The following C2CD5 variants were observed in gnomAD, a reference collection of about 807,000 sequenced individuals.
C2CD5 encodes the protein C2 calcium dependent domain containing 5.
Under a neutral mutation model 130.3 loss-of-function variants are expected in C2CD5, and 109 were observed. That is an observed-to-expected ratio of 0.84 (90% CI 0.72 to 0.98). The LOEUF (loss-of-function observed/expected upper bound fraction) is 0.98. Ranked by LOEUF, C2CD5 falls within the 50% of genes least tolerant of loss-of-function variation. The pLI is 0.00. For synonymous variants in C2CD5, 454 were observed against 429.2 expected (o/e 1.06, Z -0.71); for missense variants, 996 against 1,261.8 (o/e 0.79, Z 3.19).
intron 9 of C2CD5, among the ~76,000 whole-genome samples, chr12:22,511,957 C>T (rs774351552): frequency 6.6e-6 from 1 of 151,980 alleles, no homozygotes; most frequent in Non-Finnish European, 1.5e-5. Context: ...GGTAAGTGGA[C>T]ACACACACAC....
intron 4 of C2CD5, among the ~76,000 whole-genome samples, chr12:22,527,329 T>C (rs939972132): frequency 2.3e-5 from 3 of 130,648 alleles, no homozygotes; most frequent in Non-Finnish European, 1.5e-5. Flanking sequence ...TATATATATA[T>C]ATTTTTTTTT....
chr12:22,465,739 G>A (rs1413769094), intron 22 of C2CD5, among the ~76,000 whole-genome samples: 3 of 151,914 alleles, frequency 2.0e-5, no homozygotes, highest in Admixed American at 1.3e-4. Context: ...GGATATCAAT[G>A]ATGAGAAAAA....
intron 10 of C2CD5, chr12:22,497,606 T>G (rs1213361841): frequency 1.0e-6 from 1 of 973,148 alleles, no homozygotes; most frequent in Non-Finnish European, 1.2e-6. Flanking sequence ...ACTGCTAACC[T>G]CTTGAAGAAG....
intron 4 of C2CD5, among the ~76,000 whole-genome samples, chr12:22,527,330 AT>A (rs752914937): frequency 0.049 from 6,757 of 137,972 alleles, 178 homozygotes; most frequent in East Asian, 0.059. Context: ...ATATATATAT[AT>A]TTTTTTTTTT....
Position 22,458,511 on chromosome 12 carries a change from T to A in C2CD5, c.2659A>T (p.Thr887Ser), listed in dbSNP as rs1227627763. The A allele has an allele frequency of 9.2e-6, 12 of 1,301,086 alleles. No individual in the cohort carries two copies. The highest frequency in any genetic ancestry group is 1.2e-5 in the Non-Finnish European group (12 of 1,021,846). 80.6% of individuals were successfully genotyped at this position (1,301,086 alleles called of 1,614,324 possible). The change falls in exon 24 of 27, where the codon ACC becomes TCC. Residue 887 changes from threonine to serine, a missense_variant. Coordinates refer to ENST00000446597, the MANE Select transcript of C2CD5 (RefSeq NM_001286176.2). ...WIELIKLKAQ[T>S]IRRGSIKTTM... ...GTCTTAATTGATCCACGCCTTATGG[T>A]CTGAGCTTTCAGTTTAATGAGCTCT... is the stretch of plus-strand genomic sequence containing the variant.
intron 26 of C2CD5, among the ~76,000 whole-genome samples, chr12:22,453,442 AAACT>A (rs1323687158): frequency 4.6e-5 from 7 of 152,218 alleles, no homozygotes; most frequent in African/African-American, 1.7e-4. Flanking sequence ...TTTAAGATTT[AAACT>A]AACTGCTTTC....
intron 3 of C2CD5, among the ~76,000 whole-genome samples, chr12:22,533,163 G>A (rs76565227): frequency 1.3e-5 from 2 of 152,158 alleles, no homozygotes; most frequent in African/African-American, 2.4e-5. Context: ...ACTTGGGAAG[G>A]GGGGGTGGTG....
At chr12:22,472,453 AT>A (rs927017384) in intron 17 of C2CD5, 106 bp from the exon 18 acceptor site, 12 of 666,232 alleles carry the variant, frequency 1.8e-5, no homozygotes, top group South Asian at 4.1e-5. Flanking sequence ...AACACCCTTC[AT>A]TTTTTTTCTT....
intron 3 of C2CD5, among the ~76,000 whole-genome samples, chr12:22,530,097 T>TAC (rs1168056908): frequency 8.9e-6 from 1 of 112,260 alleles, no homozygotes; most frequent in Non-Finnish European, 1.8e-5. Context: ...TATATATATA[T>TAC]ATATATATAT....
chr12:22,502,611 T>C (rs1947940507), intron 10 of C2CD5: 28 of 516,528 alleles, frequency 5.4e-5, no homozygotes, highest in Non-Finnish European at 1.4e-5. Flanking sequence ...ATTACATACG[T>C]AGCACAGAAT....
chr12:22,541,282 G>A (rs56129746), intron 2 of C2CD5, among the ~76,000 whole-genome samples: 6,361 of 152,064 alleles, frequency 0.042, 169 homozygotes, highest in South Asian at 0.11. Context: ...CCACTTGTCC[G>A]CATTACCAAA....
Position 22,470,892 on chromosome 12 carries a change from G to GC in C2CD5, c.2377dup (p.Ala793GlyfsTer5). 1 of 1,611,468 alleles carries GC rather than the reference G, an allele frequency of 6.2e-7. No individual in the cohort carries two copies. Among genetic ancestry groups the GC allele is most frequent in the Non-Finnish European group, 8.5e-7 (1 of 1,177,956 alleles). On this transcript the variant is annotated frameshift_variant, in exon 21 of 27. Coordinates refer to ENST00000446597, the MANE Select transcript of C2CD5 (RefSeq NM_001286176.2). LOFTEE classifies it high-confidence loss of function. Reference sequence around the variant, plus strand: ...AGCCTGATTTTTGTCAAAAGTGATTGCGACTGCCGTGACTGTAACCTAGAA... The same window carrying GC: ...AGCCTGATTTTTGTCAAAAGTGATTGCCGACTGCCGTGACTGTAACCTAGAA...
rs557642364 is a variant in C2CD5, at chr12:22,544,301, G to A, written c.-30+19C>T. On this transcript the variant is annotated intron_variant, in intron 1 of 26. Transcript: ENST00000446597. Reference sequence around the variant, plus strand: ...GCGCGCGCGGGCGCCCGGCAGTCGCGCCACGGGTCGCCACTCACTGTCGCA... The same window carrying A: ...GCGCGCGCGGGCGCCCGGCAGTCGCACCACGGGTCGCCACTCACTGTCGCA... The A allele has an allele frequency of 1.4e-5, 8 of 556,294 alleles. No individual in the cohort carries two copies. In the East Asian group the frequency reaches 2.7e-4, roughly 19 times the overall value. 34.5% of individuals were successfully genotyped at this position (556,294 alleles called of 1,614,324 possible). A position where few individuals can be genotyped will look rare whatever the true frequency, so the allele number is the denominator to read the frequency against.
intron 22 of C2CD5, among the ~76,000 whole-genome samples, chr12:22,468,808 A>G (rs1942524312): frequency 6.6e-6 from 1 of 152,220 alleles, no homozygotes; most frequent in South Asian, 2.1e-4. Context: ...GTACTGATTT[A>G]ATAAAGATTC....
Position 22,470,880 on chromosome 12 carries a change from T to C in C2CD5, c.2390A>G (p.Asp797Gly). Residue 797 changes from aspartate to glycine, a missense_variant, in exon 21 of 27, where the codon GAC becomes GGC. Around this residue, in one of 9 missense-constraint regions of C2CD5, gnomAD observed 590 missense variants for 631.4 expected, o/e 0.93. Transcript: ENST00000446597. ...TGTGGTTTGTAAAGCCTGATTTTTG[T>C]CAAAAGTGATTGCGACTGCCGTGAC... ...VTVTAVAITFDKNQALQTTKT... is the reference protein window; with the variant it reads ...VTVTAVAITFGKNQALQTTKT... The C allele has an allele frequency of 6.2e-7, 1 of 1,612,706 alleles. No individual in the cohort carries two copies. Among genetic ancestry groups the C allele is most frequent in the Non-Finnish European group, 8.5e-7 (1 of 1,178,942 alleles).
intron 2 of C2CD5, among the ~76,000 whole-genome samples, chr12:22,537,612 A>G (rs1319434278): frequency 6.6e-6 from 1 of 152,244 alleles, no homozygotes; most frequent in Non-Finnish European, 1.5e-5. Flanking sequence ...CCAGTAAAGT[A>G]AAGCATTCTC....
chr12:22,508,937 C>T (rs1319483547), intron 9 of C2CD5, among the ~76,000 whole-genome samples: 3 of 149,902 alleles, frequency 2.0e-5, no homozygotes, highest in African/African-American at 7.4e-5. Context: ...ACTGCAGTGG[C>T]GCAATCTCGG....
chr12:22,463,640 C>T (rs1941577564), intron 22 of C2CD5: 1 of 152,130 alleles, frequency 6.6e-6, no homozygotes, highest in Non-Finnish European at 1.5e-5. Flanking sequence ...AGTGTTTTGT[C>T]ACAGTAGTAC....
chr12:22,512,555 GC>G, intron 9 of C2CD5: 1 of 936,308 alleles, frequency 1.1e-6, no homozygotes, highest in Non-Finnish European at 1.6e-6. Context: ...GTCAACATTT[GC>G]TAAGATTAAA....
Sources: gnomAD v4.1 joint callset for allele counts (sites outside exome capture counted in the v4.1 genomes callset) on GRCh38, gnomAD v4.1.1 for gene constraint, gnomAD v4.1.1 regional missense constraint, MANE v1.5 for transcripts, NCBI Gene and HGNC (gene_info 2026-07-23, HGNC 2026-07-21) for gene names.